The following EYS variants were observed in gnomAD, a reference collection of about 807,000 sequenced individuals.
The protein encoded by EYS is protein eyes shut homolog.
Under a neutral mutation model 282.1 loss-of-function variants are expected in EYS, and 250 were observed. The observed-to-expected ratio is 0.89, with a 90% CI of 0.80 to 0.98. The LOEUF (loss-of-function observed/expected upper bound fraction) is 0.98. EYS is among the 50% of genes least tolerant of loss of function. EYS has a pLI of 0.00. For synonymous variants in EYS, 1,355 were observed against 1,282.9 expected, an observed-to-expected ratio of 1.06 and a Z score of -1.20; for missense variants, 4,016 against 3,709.0, an observed-to-expected ratio of 1.08 and a Z score of -2.15.
intron 21 of EYS, among the ~76,000 whole-genome samples, chr6:64,818,674 G>A (rs1027376655): frequency 3.9e-5 from 6 of 152,098 alleles, no homozygotes; most frequent in African/African-American, 9.7e-5. Context: ...GGAAGCACCC[G>A]GCATGGGAGA....
intron 12 of EYS, among the ~76,000 whole-genome samples, chr6:65,274,889 C>G (rs1261212688): frequency 7.3e-6 from 1 of 136,768 alleles, no homozygotes. Context: ...CATCTGGTTC[C>G]TCCTACAGCC....
At chr6:64,690,970 A>C (rs2149914565) in intron 22 of EYS, among the ~76,000 whole-genome samples, 1 of 152,214 alleles carries the variant, frequency 6.6e-6, no homozygotes, top group Middle Eastern at 3.4e-3. Context: ...CTAGAACTTA[A>C]GGTATAATAA....
At chr6:65,082,152 T>C (rs1331559365) in intron 12 of EYS, among the ~76,000 whole-genome samples, 2 of 152,098 alleles carry the variant, frequency 1.3e-5, no homozygotes, top group Non-Finnish European at 2.9e-5. Context: ...ATTATCCATA[T>C]AAATGTCAAG....
chr6:65,390,734 C>G (rs1340738713), intron 7 of EYS, among the ~76,000 whole-genome samples: 1 of 150,978 alleles, frequency 6.6e-6, no homozygotes, highest in Non-Finnish European at 1.5e-5. Context: ...TTCTTTTTTT[C>G]AAAAAATTAG....
intron 32 of EYS, among the ~76,000 whole-genome samples, chr6:64,078,522 G>T (rs76273656): frequency 6.6e-6 from 1 of 152,058 alleles, no homozygotes; most frequent in Non-Finnish European, 1.5e-5. Flanking sequence ...ATTCTGCTGA[G>T]GTATTCCCAA....
At chr6:64,991,491 C>T (rs1771060902) in intron 14 of EYS, among the ~76,000 whole-genome samples, 1 of 151,482 alleles carries the variant, frequency 6.6e-6, no homozygotes, top group Non-Finnish European at 1.5e-5. Context: ...AATAATCAAT[C>T]AGTCATTGAT....
At chr6:64,053,766 G>A (rs932393756) in intron 33 of EYS, among the ~76,000 whole-genome samples, 1 of 152,064 alleles carries the variant, frequency 6.6e-6, no homozygotes, top group Admixed American at 6.6e-5. Flanking sequence ...AGAATGAACA[G>A]CCTCTCCATT....
intron 22 of EYS, among the ~76,000 whole-genome samples, chr6:64,714,665 A>T (rs1771324194): frequency 6.6e-6 from 1 of 151,702 alleles, no homozygotes; most frequent in African/African-American, 2.4e-5. Context: ...AGCTGGGACT[A>T]TAGGAGCCTG....
intron 12 of EYS, among the ~76,000 whole-genome samples, chr6:65,206,871 A>T (rs1582017268): frequency 1.3e-5 from 2 of 151,880 alleles, no homozygotes; most frequent in East Asian, 3.9e-4. Context: ...GAAGGAAAAT[A>T]CATCAAAATA....
rs978922205 is a variant in EYS, at chr6:64,563,949, A to T, written c.5644+26274T>A. 2.0e-5 allele frequency among the ~76,000 whole-genome samples: 3 copies of T among 151,920 alleles called. No individual in the cohort carries two copies. In the East Asian group the frequency reaches 5.8e-4, roughly 29 times the overall value. On this transcript the variant is annotated intron_variant, in intron 26 of 42. Coordinates refer to ENST00000503581, the MANE Select transcript of EYS (RefSeq NM_001142800.2). Reference sequence around the variant, plus strand: ...TATTTCTTATAAATATTTTAAAATTATCAGAAGTATTACATTTATTATCTC... The same window carrying T: ...TATTTCTTATAAATATTTTAAAATTTTCAGAAGTATTACATTTATTATCTC...
chr6:64,234,264 T>A (rs1177382886), intron 30 of EYS, among the ~76,000 whole-genome samples: 1 of 151,998 alleles, frequency 6.6e-6, no homozygotes, highest in Non-Finnish European at 1.5e-5. Context: ...CTCACTTTTT[T>A]TTTTACAAAA....
At chr6:64,992,014 C>T (rs1771082271) in intron 14 of EYS, among the ~76,000 whole-genome samples, 1 of 151,680 alleles carries the variant, frequency 6.6e-6, no homozygotes, top group African/African-American at 2.4e-5. Context: ...ATCAAAATCA[C>T]AAGGCGTTAT....
At chr6:65,073,493 A>T (rs1773957152) in intron 12 of EYS, among the ~76,000 whole-genome samples, 1 of 151,862 alleles carries the variant, frequency 6.6e-6, no homozygotes, top group African/African-American at 2.4e-5. Flanking sequence ...CTGTACATCT[A>T]TCTACTTACA....
intron 19 of EYS, among the ~76,000 whole-genome samples, chr6:64,829,058 T>C (rs1325224234): frequency 1.3e-5 from 2 of 150,162 alleles, no homozygotes; most frequent in Non-Finnish European, 3.0e-5. Context: ...CATGGAGTTA[T>C]AGGTAGTGGC....
intron 8 of EYS, among the ~76,000 whole-genome samples, chr6:65,365,673 T>C (rs897489903): frequency 4.0e-5 from 6 of 151,816 alleles, no homozygotes; most frequent in African/African-American, 1.4e-4. Flanking sequence ...ATTCTTTCAA[T>C]GAGCTGTACT....
At chr6:63,968,208 A>G (rs567678878) in intron 35 of EYS, among the ~76,000 whole-genome samples, 1 of 152,322 alleles carries the variant, frequency 6.6e-6, no homozygotes, top group African/African-American at 2.4e-5. Flanking sequence ...TTCTAGGAAT[A>G]TTCTGTGAAA....
chr6:65,313,736 G>T (rs1299547769), intron 11 of EYS, among the ~76,000 whole-genome samples: 2 of 152,108 alleles, frequency 1.3e-5, no homozygotes, highest in Non-Finnish European at 2.9e-5. Context: ...CTCCTACGTG[G>T]CCTTGTAATT....
intron 21 of EYS, among the ~76,000 whole-genome samples, chr6:64,821,327 G>A (rs1333401929): frequency 6.6e-6 from 1 of 151,984 alleles, no homozygotes; most frequent in Non-Finnish European, 1.5e-5. Flanking sequence ...CGAGGCAGAT[G>A]GTAAAATTTA....
At chr6:64,428,636 T>C (rs993250694) in intron 28 of EYS, among the ~76,000 whole-genome samples, 1 of 152,166 alleles carries the variant, frequency 6.6e-6, no homozygotes, top group Non-Finnish European at 1.5e-5. Flanking sequence ...CTAAAGGGCA[T>C]ACATTTGTAT....
Sources: allele counts gnomAD v4.1 joint callset (sites outside exome capture counted in the v4.1 genomes callset), GRCh38; gene constraint gnomAD v4.1.1; transcripts MANE v1.5; gene names NCBI Gene and HGNC (gene_info 2026-07-23, HGNC 2026-07-21).